Variants in LRRC37A2 observed in about 807,000 individuals in gnomAD.
LRRC37A2 encodes the protein leucine rich repeat containing 37 member A2, also known as leucine-rich repeat-containing protein 37A2.
In LRRC37A2, 9 loss-of-function variants were observed where a neutral mutation model predicts 68.8. The observed-to-expected ratio is 0.13, with a 90% CI of 0.08 to 0.23. The LOEUF (loss-of-function observed/expected upper bound fraction) is 0.23. LRRC37A2 is among the 10% of genes least tolerant of loss of function. The pLI, the probability that LRRC37A2 is intolerant of heterozygous loss-of-function variation, is 1.00. For missense variants in LRRC37A2, 168 were observed against 950.4 expected (o/e 0.18, Z 10.82); for synonymous variants, 63 against 367.6 (o/e 0.17, Z 9.48).
At chr17:46,945,592 G>A in the LRRC37A2 span, among the ~76,000 whole-genome samples, 4 of 152,124 alleles carry the variant, frequency 2.6e-5, no homozygotes, top group African/African-American at 9.7e-5. Context: ...CATCAGAGAG[G>A]AACAGGCGTG....
At chr17:46,866,510 CAGG>C in the LRRC37A2 span, among the ~76,000 whole-genome samples, 2 of 151,668 alleles carry the variant, frequency 1.3e-5, no homozygotes, top group African/African-American at 4.8e-5. Context: ...CAGTGAGGGC[CAGG>C]AGAGGTAGAC....
chr17:46,939,835 T>C, the LRRC37A2 span: 1 of 989,254 alleles, frequency 1.0e-6, no homozygotes, highest in South Asian at 4.6e-5. Context: ...TTGTGGAATT[T>C]AGTATAAAGG....
the LRRC37A2 span, chr17:46,917,299 T>C: frequency 1.3e-5 from 2 of 152,230 alleles, no homozygotes; most frequent in African/African-American, 4.8e-5. Flanking sequence ...AAGTTATCTT[T>C]TTCCAAACTA....
At chr17:46,981,424 C>A in the LRRC37A2 span, among the ~76,000 whole-genome samples, 3 of 152,182 alleles carry the variant, frequency 2.0e-5, no homozygotes, top group Admixed American at 6.5e-5. Context: ...TTCCACCCCT[C>A]TTTCTCTTTC....
chr17:47,036,958 C>A, the LRRC37A2 span, among the ~76,000 whole-genome samples: 1 of 94,502 alleles, frequency 1.1e-5, no homozygotes, highest in African/African-American at 3.5e-5. Flanking sequence ...TATGTTATTC[C>A]TATTCCAATA....
the LRRC37A2 span, among the ~76,000 whole-genome samples, chr17:46,430,962 A>G: frequency 1.6e-5 from 1 of 62,096 alleles, no homozygotes; most frequent in African/African-American, 4.2e-5. Context: ...CAGAGTCACC[A>G]AATGGATTAG....
chr17:46,747,738 T>G, the LRRC37A2 span, among the ~76,000 whole-genome samples: 1 of 151,964 alleles, frequency 6.6e-6, no homozygotes, highest in South Asian at 2.1e-4. Flanking sequence ...GAGAAAGAAA[T>G]AAAAACTAAG....
the LRRC37A2 span, among the ~76,000 whole-genome samples, chr17:46,811,744 C>A: frequency 6.6e-6 from 1 of 152,150 alleles, no homozygotes; most frequent in Admixed American, 6.6e-5. Context: ...TACCTGAGGT[C>A]GGGAGTTCGA....
At chr17:46,927,393 T>A in the LRRC37A2 span, among the ~76,000 whole-genome samples, 2 of 152,222 alleles carry the variant, frequency 1.3e-5, no homozygotes, top group African/African-American at 4.8e-5. Context: ...GTATCCATCT[T>A]TTTCTTTGTG....
At chr17:46,931,327 T>A in the LRRC37A2 span, 4 of 707,096 alleles carry the variant, frequency 5.7e-6, no homozygotes. Flanking sequence ...ACTATGACTA[T>A]GCAAAGAAAA....
At chr17:46,813,607 C>T in the LRRC37A2 span, among the ~76,000 whole-genome samples, 2 of 151,964 alleles carry the variant, frequency 1.3e-5, no homozygotes, top group Non-Finnish European at 2.9e-5. Flanking sequence ...CTGCTCAACT[C>T]CTGGCTCATC....
the LRRC37A2 span, among the ~76,000 whole-genome samples, chr17:47,005,018 T>C: frequency 6.6e-6 from 1 of 152,170 alleles, no homozygotes; most frequent in African/African-American, 2.4e-5. Flanking sequence ...CCAATATTAG[T>C]GTTACAGAGA....
At chr17:46,609,827 CTTTT>C in the LRRC37A2 span, among the ~76,000 whole-genome samples, 2 of 123,324 alleles carry the variant, frequency 1.6e-5, no homozygotes, top group Non-Finnish European at 1.8e-5. Flanking sequence ...CTCACTGTTT[CTTTT>C]TTTTTTTTTT....
the LRRC37A2 span, among the ~76,000 whole-genome samples, chr17:47,029,805 A>G: frequency 6.6e-6 from 1 of 152,230 alleles, no homozygotes; most frequent in Admixed American, 6.5e-5. Flanking sequence ...GCGGTGGCTC[A>G]TGCCTGTAAT....
chr17:46,823,317 C>A, the LRRC37A2 span, among the ~76,000 whole-genome samples: 1 of 149,294 alleles, frequency 6.7e-6, no homozygotes, highest in Non-Finnish European at 1.5e-5. Context: ...CAGGTTCAAG[C>A]GATTCTCCTG....
chr17:46,827,347 G>C, the LRRC37A2 span, among the ~76,000 whole-genome samples: 25 of 152,112 alleles, frequency 1.6e-4, no homozygotes, highest in African/African-American at 6.0e-4. Context: ...AAGAGTTTTT[G>C]GGGCTCTTAA....
chr17:46,863,701 G>T, the LRRC37A2 span, among the ~76,000 whole-genome samples: 5 of 152,192 alleles, frequency 3.3e-5, no homozygotes, highest in Non-Finnish European at 5.9e-5. Context: ...CTGGGAGAAG[G>T]TTACAGCATG....
the LRRC37A2 span, chr17:46,755,280 A>G: frequency 5.1e-6 from 8 of 1,557,162 alleles, no homozygotes; most frequent in Non-Finnish European, 4.4e-6. Flanking sequence ...AGAAGGTACC[A>G]TTAACCCATC....
chr17:46,973,520 T>G, the LRRC37A2 span, among the ~76,000 whole-genome samples: 1 of 152,058 alleles, frequency 6.6e-6, no homozygotes, highest in African/African-American at 2.4e-5. Flanking sequence ...GGTTAAACTC[T>G]CCTTATCCAT....
Sources: gnomAD v4.1 joint callset for allele counts (sites outside exome capture counted in the v4.1 genomes callset) on GRCh38, gnomAD v4.1.1 for gene constraint, MANE v1.5 for transcripts, NCBI Gene and HGNC (gene_info 2026-07-23, HGNC 2026-07-21) for gene names.